ATAD2: variants seen among roughly 807,000 people sequenced by gnomAD.
ATAD2 encodes the protein ATPase family AAA domain-containing protein 2.
ATAD2 carries 62 observed loss-of-function variants against 168.9 expected under a neutral mutation model. The ratio of observed to expected loss-of-function variants is 0.37; its 90% CI spans 0.30 to 0.45. ATAD2 has a LOEUF of 0.45. Among genes scored for constraint, ATAD2 ranks in the 20% least tolerant of loss-of-function variants. The probability of loss-of-function intolerance (pLI) is 1.00; values close to 1 mark genes in which losing one functional copy is unlikely to be tolerated. For missense variants in ATAD2, 1,419 were observed against 1,667.8 expected, an observed-to-expected ratio of 0.85 and a Z score of 2.60; for synonymous variants, 613 against 571.6, an observed-to-expected ratio of 1.07 and a Z score of -1.03.
At chr8:123,415,233 A>G (rs1026659307) in intron 1 of ATAD2, among the ~76,000 whole-genome samples, 3 of 152,194 alleles carry the variant, frequency 2.0e-5, no homozygotes, top group Non-Finnish European at 2.9e-5. Flanking sequence ...ATAGGGCCCC[A>G]ATCCCTTCTA....
At chr8:123,362,935 A>T (rs1563851290) in intron 8 of ATAD2, among the ~76,000 whole-genome samples, 1 of 152,238 alleles carries the variant, frequency 6.6e-6, no homozygotes, top group East Asian at 1.9e-4. Context: ...AGAAAAAAAT[A>T]CTATCAAATA....
intron 1 of ATAD2, among the ~76,000 whole-genome samples, chr8:123,408,124 C>T (rs1356735856): frequency 1.3e-5 from 2 of 152,134 alleles, no homozygotes; most frequent in Non-Finnish European, 2.9e-5. Context: ...TTATTGATTT[C>T]CCACAAAAGA....
intron 2 of ATAD2, among the ~76,000 whole-genome samples, chr8:123,375,297 G>A (rs1478334606): frequency 6.6e-6 from 1 of 152,052 alleles, no homozygotes; most frequent in Non-Finnish European, 1.5e-5. Context: ...AACATTATTA[G>A]CCATCAGGGA....
At chr8:123,384,177 A>G (rs1586900635) in intron 1 of ATAD2, among the ~76,000 whole-genome samples, 1 of 152,192 alleles carries the variant, frequency 6.6e-6, no homozygotes, top group African/African-American at 2.4e-5. Flanking sequence ...TCTGCTTTCA[A>G]TAAAATTGAA....
In ATAD2 at chr8:123,396,390, C is replaced by G; in HGVS notation, c.-33G>C. On this transcript the variant is annotated 5_prime_UTR_variant, in exon 1 of 28. Coordinates refer to ENST00000287394, the MANE Select transcript of ATAD2 (RefSeq NM_014109.4). ...CCCTACTGGCCTCGGCGTGCGCGACCGGAGAGAGATCCAGCTCCAGGCGCT... is the reference window on the plus strand; with the variant it reads ...CCCTACTGGCCTCGGCGTGCGCGACGGGAGAGAGATCCAGCTCCAGGCGCT... The G allele has an allele frequency of 1.3e-6, 2 of 1,530,046 alleles. No homozygotes were observed. The highest frequency in any genetic ancestry group is 1.8e-6 in the Non-Finnish European group (2 of 1,140,046). 94.8% of individuals were successfully genotyped at this position (1,530,046 alleles called of 1,614,324 possible).
intron 26 of ATAD2, among the ~76,000 whole-genome samples, chr8:123,323,373 AAAGC>A (rs1827526436): frequency 6.6e-6 from 1 of 152,258 alleles, no homozygotes; most frequent in African/African-American, 2.4e-5. Context: ...TAACAGGAGA[AAAGC>A]AAAGTTTTTT....
intron 27 of ATAD2, among the ~76,000 whole-genome samples, chr8:123,322,586 T>A (rs1239311553): frequency 1.3e-5 from 2 of 152,114 alleles, no homozygotes; most frequent in Non-Finnish European, 2.9e-5. Context: ...GGAGGATCGC[T>A]TGAACCTTGG....
At position 123,325,165 on chromosome 8, in the gene ATAD2, C is replaced by T. The variant is rs1036086183; in HGVS notation, c.4002+728G>A. Among the ~76,000 whole-genome samples the T allele has an allele frequency of 9.0e-5, 13 of 144,822 alleles. No homozygotes were observed. In the East Asian group the frequency reaches 1.2e-3, roughly 13 times the overall value. ...TCATCCAGGCTGGAAGGCACGATCT[C>T]GGCTTACTGCAACCTCCACCTCTGG... On this transcript the variant is annotated intron_variant, in intron 26 of 27. Coordinates refer to ENST00000287394, the MANE Select transcript of ATAD2 (RefSeq NM_014109.4).
intron 19 of ATAD2, 53 bp from the exon 20 acceptor site, chr8:123,339,499 CTTACAATGGTTCAAT>C: frequency 1.4e-6 from 2 of 1,451,214 alleles, no homozygotes; most frequent in Non-Finnish European, 1.9e-6. Flanking sequence ...TGATCCCCAA[CTTACAATGGTTCAAT>C]TTACAATTTT....
chr8:123,394,676 T>C (rs780067998), intron 1 of ATAD2, among the ~76,000 whole-genome samples: 1 of 152,088 alleles, frequency 6.6e-6, no homozygotes, highest in African/African-American at 2.4e-5. Flanking sequence ...CAGTATTCAA[T>C]ATATCAGTAC....
intron 1 of ATAD2, among the ~76,000 whole-genome samples, chr8:123,383,925 T>A (rs1211595777): frequency 6.8e-6 from 1 of 147,860 alleles, no homozygotes; most frequent in African/African-American, 2.5e-5. Context: ...TTACTAAAAA[T>A]ACAAAATTAG....
At position 123,402,837 on chromosome 8, in the gene ATAD2, AAT is replaced by A. The variant is rs372981592; in HGVS notation, c.-2281-1664_-2281-1663del. 0.71 allele frequency among the ~76,000 whole-genome samples: 107,591 copies of A among 151,328 alleles called. 38,702 individuals carry two copies. The highest frequency in any genetic ancestry group is 0.97 in the East Asian group (5,006 of 5,152). ...TGCCAATAATAATAATAATAATAAT[AAT>A]AATAAAAATCAACACACTACACACA... On this transcript the variant is annotated intron_variant, in intron 1 of 28. Coordinates refer to the ATAD2 transcript ENST00000521903. The surrounding 1 kb of genome is among the most constrained non-coding windows in gnomAD (Gnocchi z 4.8).
At chr8:123,385,384 ATC>A (rs747531806) in intron 1 of ATAD2, among the ~76,000 whole-genome samples, 143 of 152,358 alleles carry the variant, frequency 9.4e-4, no homozygotes, top group Non-Finnish European at 1.7e-3. Context: ...TTCAAAACAT[ATC>A]AACTGGTTTT....
intron 2 of ATAD2, among the ~76,000 whole-genome samples, chr8:123,378,798 G>C (rs1033546850): frequency 6.7e-6 from 1 of 148,322 alleles, no homozygotes; most frequent in African/African-American, 2.5e-5. Flanking sequence ...ATGAGAAGAA[G>C]TAATGTAAAA....
At chr8:123,332,022 C>T (rs535587971) in intron 24 of ATAD2, among the ~76,000 whole-genome samples, 35 of 152,238 alleles carry the variant, frequency 2.3e-4, no homozygotes, top group Admixed American at 1.6e-3. Flanking sequence ...GTGCTATGTA[C>T]GATCTGTGTT....
At chr8:123,409,231 AGT>A (rs921217164) in intron 1 of ATAD2, among the ~76,000 whole-genome samples, 2 of 152,186 alleles carry the variant, frequency 1.3e-5, no homozygotes, top group African/African-American at 4.8e-5. Flanking sequence ...GGTACACAGC[AGT>A]GAGTCTAATA....
intron 15 of ATAD2, 78 bp from the exon 16 acceptor site, chr8:123,347,484 G>C: frequency 3.0e-6 from 4 of 1,323,344 alleles, no homozygotes; most frequent in Non-Finnish European, 4.1e-6. Flanking sequence ...CATGACCATG[G>C]TTAAAAAAAA....
rs537465280 is a variant in ATAD2, at chr8:123,327,554, A to G, written c.3868+636T>C. Among the ~76,000 whole-genome samples, 5 of 151,972 alleles carry G rather than the reference A, an allele frequency of 3.3e-5. No individual in the cohort carries two copies. The South Asian group carries it at 1.0e-3, about 32-fold the overall frequency. ...TTAACTTAGTCAATGCTTATTTTTG[A>G]CCAAAATAAATTTTTGGCCCCATTA... On this transcript the variant is annotated intron_variant, in intron 25 of 27. Coordinates refer to ENST00000287394, the MANE Select transcript of ATAD2 (RefSeq NM_014109.4).
chr8:123,326,374 C>T (rs926605799), intron 25 of ATAD2, among the ~76,000 whole-genome samples: 2 of 151,996 alleles, frequency 1.3e-5, no homozygotes, highest in African/African-American at 4.8e-5. Flanking sequence ...ATCTGGCCCA[C>T]CACTGTAAAT....
Sources: allele counts gnomAD v4.1 joint callset (sites outside exome capture counted in the v4.1 genomes callset), GRCh38; gene constraint gnomAD v4.1.1; non-coding constraint Gnocchi (gnomAD v3.1); transcripts MANE v1.5; gene names NCBI Gene and HGNC (gene_info 2026-07-23, HGNC 2026-07-21).